Variants in CTTNBP2 observed in about 807,000 individuals in gnomAD.
CTTNBP2 encodes cortactin binding protein 2.
CTTNBP2 carries 108 observed loss-of-function variants against 156.9 expected under a neutral mutation model. That is an observed-to-expected ratio of 0.69 (90% CI 0.59 to 0.81). CTTNBP2 has a LOEUF of 0.81. CTTNBP2 is among the 30% of genes least tolerant of loss of function. The probability of loss-of-function intolerance (pLI) is 0.00; values close to 1 mark genes in which losing one functional copy is unlikely to be tolerated. For synonymous variants in CTTNBP2, 767 were observed against 751.8 expected, an observed-to-expected ratio of 1.02 and a Z score of -0.33; for missense variants, 1,924 against 2,035.4, an observed-to-expected ratio of 0.95 and a Z score of 1.05.
intron 2 of CTTNBP2, among the ~76,000 whole-genome samples, chr7:117,853,091 A>C (rs533477751): frequency 2.0e-5 from 3 of 152,252 alleles, no homozygotes; most frequent in Admixed American, 1.3e-4. Context: ...CTTCATCTCC[A>C]TCCCCTGTTC....
At chr7:117,862,376 T>C (rs1410657910) in intron 1 of CTTNBP2, among the ~76,000 whole-genome samples, 1 of 152,150 alleles carries the variant, frequency 6.6e-6, no homozygotes, top group Non-Finnish European at 1.5e-5. Flanking sequence ...CCCTTTTGTC[T>C]TCTCTTGTAG....
chr7:117,832,248 C>A (rs1034461932), intron 2 of CTTNBP2, among the ~76,000 whole-genome samples: 3 of 152,208 alleles, frequency 2.0e-5, no homozygotes, highest in Admixed American at 6.5e-5. Context: ...TCATCTTTAA[C>A]CCCTCCTCTC....
At chr7:117,867,236 A>G (rs528908304) in intron 1 of CTTNBP2, among the ~76,000 whole-genome samples, 13 of 152,160 alleles carry the variant, frequency 8.5e-5, no homozygotes, top group Middle Eastern at 3.4e-3. Flanking sequence ...GGGGTTGCAT[A>G]CCTCTGATGC....
chr7:117,791,374 A>C lies in CTTNBP2; in HGVS notation c.1822T>G (p.Ser608Ala). The change falls in exon 4 of 23, where the codon TCC becomes GCC. Residue 608 changes from serine to alanine, a missense_variant. Physicochemically the swap from Ser to Ala is moderately conservative, Grantham distance 99 (BLOSUM62 1). Coordinates refer to ENST00000160373, the MANE Select transcript of CTTNBP2 (RefSeq NM_033427.3). The stretch of plus-strand genomic sequence containing the variant: ...GATGGTTTTGGTGGCAGCTGAGGGG[A>C]GGATGACTTAGGAAGGTTCTCCTCA... ...INEENLPKSS[S>A]PQLPPKPSID... The C allele has an allele frequency of 6.2e-7, 1 of 1,614,028 alleles. No homozygotes were observed. Among genetic ancestry groups the C allele is most frequent in the South Asian group, 1.1e-5 (1 of 91,068 alleles).
intron 1 of CTTNBP2, among the ~76,000 whole-genome samples, chr7:117,872,502 T>TC (rs1211131856): frequency 2.0e-5 from 3 of 151,612 alleles, no homozygotes; most frequent in Non-Finnish European, 1.5e-5. Flanking sequence ...GTCCAGCCCT[T>TC]CCCCAAAGTA....
At chr7:117,783,088 C>T in intron 5 of CTTNBP2, 127 bp from the exon 6 acceptor site, 1 of 613,916 alleles carries the variant, frequency 1.6e-6, no homozygotes, top group Non-Finnish European at 2.8e-6. Flanking sequence ...TCTCAGAATT[C>T]CATCATGGCA....
chr7:117,834,043 CTT>C (rs935034312), intron 2 of CTTNBP2, among the ~76,000 whole-genome samples: 8 of 141,042 alleles, frequency 5.7e-5, no homozygotes, highest in African/African-American at 2.1e-4. Context: ...AACATATTTT[CTT>C]TTTTCTTTCT....
intron 8 of CTTNBP2, among the ~76,000 whole-genome samples, chr7:117,776,271 A>G (rs1798094076): frequency 6.6e-6 from 1 of 152,180 alleles, no homozygotes. Context: ...TGCTGTCATC[A>G]TCTTTCATGT....
At chr7:117,867,639 C>T (rs1804290772) in intron 1 of CTTNBP2, among the ~76,000 whole-genome samples, 1 of 152,078 alleles carries the variant, frequency 6.6e-6, no homozygotes, top group Non-Finnish European at 1.5e-5. Flanking sequence ...ATCCATCTTA[C>T]TAAGATACAA....
At chr7:117,811,896 T>C (rs952904699) in intron 2 of CTTNBP2, among the ~76,000 whole-genome samples, 1 of 144,972 alleles carries the variant, frequency 6.9e-6, no homozygotes, top group East Asian at 2.0e-4. Context: ...AATGTAAAAA[T>C]TTTAATTAAA....
intron 6 of CTTNBP2, among the ~76,000 whole-genome samples, chr7:117,782,440 C>G (rs1363012711): frequency 6.6e-6 from 1 of 152,036 alleles, no homozygotes; most frequent in Non-Finnish European, 1.5e-5. Flanking sequence ...AATACATTAC[C>G]ACTAGGAAAT....
At chr7:117,794,846 GTGT>G (rs1799221548) in intron 3 of CTTNBP2, among the ~76,000 whole-genome samples, 1 of 141,742 alleles carries the variant, frequency 7.1e-6, no homozygotes, top group Non-Finnish European at 1.5e-5. Context: ...GGGAACAATA[GTGT>G]TGTCATATAC....
At chr7:117,802,611 TAAGAG>T (rs1256559619) in intron 3 of CTTNBP2, among the ~76,000 whole-genome samples, 5 of 152,028 alleles carry the variant, frequency 3.3e-5, no homozygotes, top group Non-Finnish European at 7.4e-5. Flanking sequence ...CTCTAAAAGA[TAAGAG>T]AAAATATTCA....
chr7:117,741,887 T>A (rs1796039829), intron 14 of CTTNBP2, among the ~76,000 whole-genome samples: 1 of 152,188 alleles, frequency 6.6e-6, no homozygotes, highest in Non-Finnish European at 1.5e-5. Context: ...ATTTCTTACA[T>A]CAGAAAATTC....
At chr7:117,864,015 C>T (rs1803944088) in intron 1 of CTTNBP2, among the ~76,000 whole-genome samples, 1 of 152,032 alleles carries the variant, frequency 6.6e-6, no homozygotes, top group Non-Finnish European at 1.5e-5. Context: ...TCTTGTTTCT[C>T]CAAAGCTTTA....
At chr7:117,833,980 TAGAC>T (rs1233615522) in intron 2 of CTTNBP2, among the ~76,000 whole-genome samples, 9 of 152,132 alleles carry the variant, frequency 5.9e-5, no homozygotes, top group Admixed American at 5.2e-4. Flanking sequence ...AATATATACA[TAGAC>T]AGACAACATC....
intron 8 of CTTNBP2, among the ~76,000 whole-genome samples, chr7:117,773,678 CACACACACACACACACACACACACACACA>C (rs1797920472): frequency 6.7e-6 from 1 of 150,212 alleles, no homozygotes; most frequent in African/African-American, 2.5e-5. Context: ...CACACACACA[CACACACACACACACACACACACACACACA>C]CCCCAAAAAA....
chr7:117,777,075 C>T (rs1051113517), intron 8 of CTTNBP2, among the ~76,000 whole-genome samples: 2 of 152,110 alleles, frequency 1.3e-5, no homozygotes, highest in Non-Finnish European at 2.9e-5. Context: ...TCTTAGATAT[C>T]GGTAAGAAAG....
At chr7:117,727,296 A>C (rs1214946949) in intron 17 of CTTNBP2, among the ~76,000 whole-genome samples, 2 of 152,018 alleles carry the variant, frequency 1.3e-5, no homozygotes, top group African/African-American at 4.8e-5. Flanking sequence ...GGCTCAATTG[A>C]TCCTCCTGCC....
Sources: allele counts gnomAD v4.1 joint callset (sites outside exome capture counted in the v4.1 genomes callset), GRCh38; gene constraint gnomAD v4.1.1; transcripts MANE v1.5; gene names NCBI Gene and HGNC (gene_info 2026-07-23, HGNC 2026-07-21).